MTDH: variants seen among roughly 807,000 people sequenced by gnomAD.
The protein encoded by MTDH is metadherin, also known as protein LYRIC.
A neutral mutation model predicts 72.7 loss-of-function variants in MTDH; 34 were observed. The observed-to-expected ratio is 0.47, with a 90% CI of 0.36 to 0.62. The LOEUF (loss-of-function observed/expected upper bound fraction) is 0.62, where lower values mean the gene tolerates loss of function less well. MTDH is among the 20% of genes least tolerant of loss of function. The pLI is 0.00. For synonymous variants in MTDH, 266 were observed against 268.9 expected, an observed-to-expected ratio of 0.99 and a Z score of 0.10; for missense variants, 677 against 699.4, an observed-to-expected ratio of 0.97 and a Z score of 0.36.
chr8:97,654,525 T>C (rs985771098), intron 1 of MTDH, among the ~76,000 whole-genome samples: 2 of 152,198 alleles, frequency 1.3e-5, no homozygotes, highest in Non-Finnish European at 2.9e-5. Flanking sequence ...ATGATGCCTC[T>C]TCTGAATTTC....
intron 10 of MTDH, among the ~76,000 whole-genome samples, chr8:97,720,699 T>A (rs948816013): frequency 1.4e-5 from 2 of 146,698 alleles, no homozygotes; most frequent in Non-Finnish European, 3.0e-5. Context: ...CAGGCTGGAG[T>A]GCAGTGACGC....
At chr8:97,667,827 A>G (rs943011960) in intron 2 of MTDH, among the ~76,000 whole-genome samples, 8 of 125,114 alleles carry the variant, frequency 6.4e-5, no homozygotes, top group East Asian at 2.8e-4. Flanking sequence ...CCCTGTCTCT[A>G]TATTAAAAAA....
At position 97,691,050 on chromosome 8, in the gene MTDH, T is replaced by C. The variant is rs1458358544; in HGVS notation, c.910T>C (p.Trp304Arg). Residue 304 changes from tryptophan (W) to arginine (R), a missense_variant, in exon 6 of 12, where the codon TGG becomes CGG. By Grantham distance (101) the Trp-to-Arg change is moderately radical (BLOSUM62 -3). This residue lies in a region of MTDH where 467 missense variants were observed against 469.1 expected (regional missense o/e 1.00). Coordinates refer to ENST00000336273, the MANE Select transcript of MTDH (RefSeq NM_178812.4). ...SSQISAGEEK[W>R]NSVSPASAGK... is the part of the protein sequence containing the mutation. ...ACAGATCAGTGCAGGTGAGGAGAAG[T>C]GGAACTCCGTTTCACCTGCTTCTGC... 1.2e-6 allele frequency: 2 copies of C among 1,614,136 alleles called. No homozygotes were observed. Among genetic ancestry groups the C allele is most frequent in the Admixed American group, 3.3e-5 (2 of 60,020 alleles).
At chr8:97,704,554 A>G (rs1312355676) in intron 7 of MTDH, among the ~76,000 whole-genome samples, 1 of 152,026 alleles carries the variant, frequency 6.6e-6, no homozygotes, top group Non-Finnish European at 1.5e-5. Flanking sequence ...GGCTGCAGTG[A>G]ACTATGATTA....
chr8:97,679,113 A>G lies in MTDH; in HGVS notation c.484-7555A>G, dbSNP rs369067656. Among the ~76,000 whole-genome samples, 362 of 152,258 alleles carry G rather than the reference A, an allele frequency of 2.4e-3. 17 individuals carry two copies. In the South Asian group the frequency reaches 0.073, roughly 31 times the overall value. Reference sequence around the variant, plus strand: ...TTCCAGTTCTAACACTTGACTAATGATGTGATTTGGGGGTTGGTTAGTAAT... The same window carrying G: ...TTCCAGTTCTAACACTTGACTAATGGTGTGATTTGGGGGTTGGTTAGTAAT... On this transcript the variant is annotated intron_variant, in intron 2 of 11. Coordinates refer to ENST00000336273, the MANE Select transcript of MTDH (RefSeq NM_178812.4).
Position 97,728,896 on chromosome 8 carries a change from C to G in MTDH, c.*4226C>G, listed in dbSNP as rs1251150359. ...TCTTTCTATATTGTTCCTCCCCATT[C>G]TCAACCTGTAGCTTTTTTTTTTTTT... On this transcript the variant is annotated 3_prime_UTR_variant, in exon 12 of 12. Coordinates refer to ENST00000336273, the MANE Select transcript of MTDH (RefSeq NM_178812.4). 1 of 149,726 alleles carries G rather than the reference C, an allele frequency of 6.7e-6. No homozygotes were observed. Among genetic ancestry groups the G allele is most frequent in the Non-Finnish European group, 1.5e-5 (1 of 67,682 alleles). The allele number at this position is 149,726 out of a possible 1,614,324, so 9.3% of individuals were successfully genotyped here.
In MTDH at chr8:97,724,810, TA is replaced by T. The variant is rs1418579945; in HGVS notation, c.*145del. 3.7e-6 allele frequency: 2 copies of T among 544,822 alleles called. No individual in the cohort carries two copies. Among genetic ancestry groups the T allele is most frequent in the Non-Finnish European group, 6.2e-6 (2 of 324,514 alleles). The allele number at this position is 544,822 out of a possible 1,614,324, so 33.7% of individuals were successfully genotyped here. On this transcript the variant is annotated 3_prime_UTR_variant, in exon 12 of 12. Coordinates refer to ENST00000336273, the MANE Select transcript of MTDH (RefSeq NM_178812.4). ...TAAAACAAAACTGCGGACACCACCATAAAAATGGAATCAAAAGAAAGTTAAT... is the reference window on the plus strand; with the variant it reads ...TAAAACAAAACTGCGGACACCACCATAAAATGGAATCAAAAGAAAGTTAAT...
intron 2 of MTDH, among the ~76,000 whole-genome samples, chr8:97,677,254 G>A (rs1249758418): frequency 6.9e-6 from 1 of 144,800 alleles, no homozygotes; most frequent in Non-Finnish European, 1.5e-5. Flanking sequence ...AGCACGTTGG[G>A]AGGCCGAGGC....
In MTDH at chr8:97,708,264, C is replaced by CT. The variant is rs71271145; in HGVS notation, c.1272+1549dup. 7.5e-3 allele frequency among the ~76,000 whole-genome samples: 242 copies of CT among 32,074 alleles called. 38 individuals carry two copies. The highest frequency in any genetic ancestry group is 9.5e-3 in the Non-Finnish European group (189 of 19,998). 21.0% of individuals were successfully genotyped at this position (32,074 alleles called of 152,430 possible). A position where few individuals can be genotyped will look rare whatever the true frequency, so the allele number is the denominator to read the frequency against. On this transcript the variant is annotated intron_variant, in intron 8 of 11. Coordinates refer to ENST00000336273, the MANE Select transcript of MTDH (RefSeq NM_178812.4). Reference sequence around the variant, plus strand: ...ACAGGCATGAGCCACCATGCCAGGCCTTTTTTTTTTTTTTTTTTTTTTTTT... The same window carrying CT: ...ACAGGCATGAGCCACCATGCCAGGCCTTTTTTTTTTTTTTTTTTTTTTTTTT...
chr8:97,718,257 G>A (rs1053745153), intron 9 of MTDH, among the ~76,000 whole-genome samples: 2 of 151,722 alleles, frequency 1.3e-5, no homozygotes, highest in African/African-American at 4.8e-5. Context: ...TGGCCAGGCT[G>A]GTCTCGAACT....
At chr8:97,649,203 C>G (rs995522648) in intron 1 of MTDH, among the ~76,000 whole-genome samples, 1 of 152,176 alleles carries the variant, frequency 6.6e-6, no homozygotes. Context: ...CAGTGTATGA[C>G]TGTATTCTAA....
chr8:97,675,138 C>T (rs1339324835), intron 2 of MTDH, among the ~76,000 whole-genome samples: 3 of 152,058 alleles, frequency 2.0e-5, no homozygotes. Context: ...TGCTCTCATT[C>T]CTTTATCACT....
intron 4 of MTDH, 142 bp downstream of exon 4, chr8:97,687,747 T>A: frequency 1.5e-6 from 1 of 680,422 alleles, no homozygotes. Context: ...GAGAGTATTG[T>A]GAACCATGTA....
intron 8 of MTDH, among the ~76,000 whole-genome samples, chr8:97,709,689 A>G (rs746418427): frequency 6.6e-6 from 1 of 152,244 alleles, no homozygotes; most frequent in Admixed American, 6.5e-5. Flanking sequence ...AACTTTTTAT[A>G]TGTGGATACA....
Position 97,689,155 on chromosome 8 carries a change from T to C in MTDH, c.811+52T>C, listed in dbSNP as rs773438584. The C allele has an allele frequency of 1.3e-5, 12 of 948,422 alleles. No individual in the cohort carries two copies. The East Asian group carries it at 2.4e-4, about 19-fold the overall frequency. The allele number at this position is 948,422 out of a possible 1,614,324, so 58.8% of individuals were successfully genotyped here. On this transcript the variant is annotated intron_variant, in intron 5 of 11. Transcript: ENST00000336273. Reference sequence around the variant, plus strand: ...TTGAAGGCCCATCAAAATAGAAATTTATATACATACCTCTTTCCTCAAATG... The same window carrying C: ...TTGAAGGCCCATCAAAATAGAAATTCATATACATACCTCTTTCCTCAAATG...
chr8:97,684,923 A>T (rs1479203552), intron 2 of MTDH, among the ~76,000 whole-genome samples: 4 of 152,176 alleles, frequency 2.6e-5, no homozygotes, highest in African/African-American at 9.7e-5. Flanking sequence ...AAAATTATAC[A>T]GATGTGGTGG....
rs183676819 is a variant in MTDH at position 97,711,706 on chromosome 8, A to G, written c.1273-1956A>G. The stretch of plus-strand genomic sequence containing the variant: ...GATAGTGTCAAACCCTAGGTATACT[A>G]TGCTTTTTCCTATACATAACCTCTG... On this transcript the variant is annotated intron_variant, in intron 8 of 11. Coordinates refer to ENST00000336273, the MANE Select transcript of MTDH (RefSeq NM_178812.4). 2.1e-4 allele frequency among the ~76,000 whole-genome samples: 32 copies of G among 152,316 alleles called. No individual in the cohort carries two copies. In the Middle Eastern group the frequency reaches 0.01, roughly 49 times the overall value.
chr8:97,693,876 T>C (rs1360284651), intron 6 of MTDH, among the ~76,000 whole-genome samples: 1 of 151,928 alleles, frequency 6.6e-6, no homozygotes, highest in Non-Finnish European at 1.5e-5. Flanking sequence ...CCACCACACC[T>C]GGCTAATTTT....
chr8:97,716,697 TTTTTG>T (rs889212473), intron 9 of MTDH, among the ~76,000 whole-genome samples: 1 of 152,196 alleles, frequency 6.6e-6, no homozygotes, highest in African/African-American at 2.4e-5. Flanking sequence ...GTTTTTTCTC[TTTTTG>T]TTTTGTTTTG....
Sources: gnomAD v4.1 joint callset for allele counts (sites outside exome capture counted in the v4.1 genomes callset) on GRCh38, gnomAD v4.1.1 for gene constraint, gnomAD v4.1.1 regional missense constraint, MANE v1.5 for transcripts, NCBI Gene and HGNC (gene_info 2026-07-23, HGNC 2026-07-21) for gene names.